The following PDK3 variants were observed in gnomAD, a reference collection of about 807,000 sequenced individuals.
The protein encoded by PDK3 is pyruvate dehydrogenase kinase 3.
Under a neutral mutation model 32.0 loss-of-function variants are expected in PDK3, and 12 were observed. The observed-to-expected ratio is 0.37, with a 90% CI of 0.24 to 0.61. The LOEUF is 0.61. Among genes scored for constraint, PDK3 ranks in the 20% least tolerant of loss-of-function variants. The pLI, the probability that PDK3 is intolerant of heterozygous loss-of-function variation, is 0.65. For missense variants in PDK3, 188 were observed against 316.9 expected, an observed-to-expected ratio of 0.59 and a Z score of 3.09; for synonymous variants, 122 against 116.3, an observed-to-expected ratio of 1.05 and a Z score of -0.31.
At chrX:24,498,774 TG>T in intron 2 of PDK3, 54 bp from the exon 3 acceptor site, 1 of 734,882 alleles carries the variant, frequency 1.4e-6, no homozygotes, top group Non-Finnish European at 2.0e-6. Context: ...GGGTGGATGC[TG>T]GGCAGGCAAC....
At chrX:24,507,627 C>A (rs1329518780) in intron 5 of PDK3, among the ~76,000 whole-genome samples, 3 of 112,162 alleles carry the variant, frequency 2.7e-5, no homozygotes, top group Admixed American at 9.5e-5. Flanking sequence ...ATTTGGCTTC[C>A]CATGTACGCC....
At chrX:24,468,244 A>C (rs1432514911) in intron 1 of PDK3, among the ~76,000 whole-genome samples, 1 of 112,032 alleles carries the variant, frequency 8.9e-6, no homozygotes, top group East Asian at 2.8e-4. Flanking sequence ...CTGTGCTTTT[A>C]TTTTAAAGCA....
intron 2 of PDK3, among the ~76,000 whole-genome samples, chrX:24,495,505 C>T (rs1041882932): frequency 1.8e-5 from 2 of 112,327 alleles, no homozygotes; most frequent in African/African-American, 6.5e-5. Flanking sequence ...TGATAATTTG[C>T]TAGAACGGCT....
exon 12 of PDK3, chrX:24,539,449 T>A (rs750875929): frequency 6.8e-6 from 2 of 292,169 alleles, no homozygotes; most frequent in African/African-American, 2.7e-5. Flanking sequence ...GCCCTCGTAC[T>A]CTCCATCTTG....
intron 2 of PDK3, among the ~76,000 whole-genome samples, chrX:24,496,568 CTTTTTTTT>C (rs763095558): frequency 3.3e-4 from 13 of 39,326 alleles, no homozygotes; most frequent in African/African-American, 1.4e-3. Context: ...CTACCCCCAT[CTTTTTTTT>C]TTTTTTTTTT....
chrX:24,503,176 T>A lies in PDK3; in HGVS notation c.321-151T>A. Reference sequence around the variant, plus strand: ...AAAACTTGGCTCATACTTTAGTTTCTTGTGGGTGGTTCCTTGTTCTATGTA... The same window carrying A: ...AAAACTTGGCTCATACTTTAGTTTCATGTGGGTGGTTCCTTGTTCTATGTA... On this transcript the variant is annotated intron_variant, in intron 3 of 10. Transcript: ENST00000379162. The A allele has an allele frequency of 6.1e-6, 2 of 329,337 alleles. 1 individual carries two copies. The allele number at this position is 329,337 out of a possible 1,213,427, so 27.1% of individuals were successfully genotyped here. A position where few individuals can be genotyped will look rare whatever the true frequency, so the allele number is the denominator to read the frequency against.
downstream of PDK3, among the ~76,000 whole-genome samples, chrX:24,537,034 A>T (rs763730861): frequency 9.1e-6 from 1 of 110,459 alleles, no homozygotes; most frequent in Admixed American, 9.7e-5. Context: ...GCCCAAGATG[A>T]TATCCTAGAT....
intron 3 of PDK3, among the ~76,000 whole-genome samples, chrX:24,502,095 CAT>C (rs904851183): frequency 9.0e-6 from 1 of 111,310 alleles, no homozygotes; most frequent in Non-Finnish European, 1.9e-5. Flanking sequence ...TAAAATTCTA[CAT>C]AGTCATATCA....
chrX:24,472,675 C>CTTTTTTTTTTTTTTTTT (rs761538432), intron 1 of PDK3, among the ~76,000 whole-genome samples: 1 of 49,702 alleles, frequency 2.0e-5, no homozygotes, highest in Non-Finnish European at 3.4e-5. Context: ...TTCTTTCTTT[C>CTTTTTTTTTTTTTTTTT]TTTTTTTTTT....
chrX:24,534,863 G>A (rs1024750243), downstream of PDK3, among the ~76,000 whole-genome samples: 9 of 112,301 alleles, frequency 8.0e-5, no homozygotes, highest in African/African-American at 2.6e-4. Context: ...AAGCTGAGGC[G>A]GGAGGATCAC....
chrX:24,535,830 G>A (rs1161032749), downstream of PDK3, among the ~76,000 whole-genome samples: 5 of 107,586 alleles, frequency 4.6e-5, no homozygotes, highest in African/African-American at 1.7e-4. Context: ...GATTACAGGC[G>A]TGGGCCACCA....
intron 1 of PDK3, among the ~76,000 whole-genome samples, chrX:24,482,731 C>T (rs914907181): frequency 8.9e-6 from 1 of 112,350 alleles, no homozygotes; most frequent in Non-Finnish European, 1.9e-5. Context: ...CTGAAAACCA[C>T]TACTTGTTAG....
intron 7 of PDK3, among the ~76,000 whole-genome samples, chrX:24,526,602 G>A (rs971281177): frequency 2.7e-5 from 3 of 112,099 alleles, no homozygotes; most frequent in Admixed American, 9.5e-5. Flanking sequence ...GGCTTTACTG[G>A]TGATAGCCAG....
intron 6 of PDK3, among the ~76,000 whole-genome samples, chrX:24,523,235 C>T (rs1363192478): frequency 1.8e-5 from 2 of 112,143 alleles, no homozygotes; most frequent in Non-Finnish European, 3.8e-5. Context: ...GCATTAATCC[C>T]ATCCATAAGG....
chrX:24,533,757 C>A (rs1438227179), intron 10 of PDK3, among the ~76,000 whole-genome samples, 172 bp from the exon 11 acceptor site: 1 of 112,019 alleles, frequency 8.9e-6, no homozygotes, highest in Non-Finnish European at 1.9e-5. Flanking sequence ...TTTAAAAAAG[C>A]TTTAATGTTT....
intron 10 of PDK3, among the ~76,000 whole-genome samples, chrX:24,533,297 C>T (rs1313119299): frequency 9.2e-6 from 1 of 108,770 alleles, no homozygotes; most frequent in Non-Finnish European, 1.9e-5. Flanking sequence ...CCACCACACC[C>T]GGCTAATTTT....
At chrX:24,538,744 A>C (rs969700206), downstream of PDK3, among the ~76,000 whole-genome samples, 5 of 111,945 alleles carry the variant, frequency 4.5e-5, no homozygotes, top group Non-Finnish European at 9.4e-5. Flanking sequence ...ACTGCACTCC[A>C]GCCTGGGCGA....
Position 24,473,448 on chromosome X carries a change from C to T in PDK3, c.106+7887C>T, listed in dbSNP as rs199681113. ...TTGAATTTATTTATTTATTTATTTA[C>T]TTATTTGAGACAGAGTCTCACTCTG... On this transcript the variant is annotated intron_variant, in intron 1 of 10. Transcript: ENST00000379162. 2.8e-4 allele frequency among the ~76,000 whole-genome samples: 15 copies of T among 53,592 alleles called. No homozygotes were observed. In the South Asian group the frequency reaches 0.013, roughly 47 times the overall value. The allele number at this position is 53,592 out of a possible 115,157, so 46.5% of individuals were successfully genotyped here.
chrX:24,488,236 C>T (rs1010580578), intron 1 of PDK3, among the ~76,000 whole-genome samples: 2 of 111,226 alleles, frequency 1.8e-5, no homozygotes, highest in Non-Finnish European at 3.8e-5. Flanking sequence ...ATAGGGAAGG[C>T]TCCCTGCATT....
Sources: gnomAD v4.1 joint callset for allele counts (sites outside exome capture counted in the v4.1 genomes callset) on GRCh38, gnomAD v4.1.1 for gene constraint, MANE v1.5 for transcripts, NCBI Gene and HGNC (gene_info 2026-07-23, HGNC 2026-07-21) for gene names.